Variants in IGLON5 observed in about 807,000 individuals in gnomAD.
IGLON5 encodes the protein Ig-like domain-containing protein ENSP00000270642.
A neutral mutation model predicts 38.2 loss-of-function variants in IGLON5; 16 were observed. The observed-to-expected ratio is 0.42, with a 90% CI of 0.28 to 0.64. The LOEUF (loss-of-function observed/expected upper bound fraction) is 0.64. Among genes scored for constraint, IGLON5 ranks in the 30% least tolerant of loss-of-function variants. IGLON5 has a pLI of 0.23. For missense variants in IGLON5, 366 were observed against 483.4 expected, an observed-to-expected ratio of 0.76 and a Z score of 2.28; for synonymous variants, 207 against 216.4, an observed-to-expected ratio of 0.96 and a Z score of 0.38.
chr19:51,330,086 T>A lies in IGLON5; in HGVS notation c.*1327T>A, dbSNP rs1229320052. ...CAGACAAAGATGCCATGTCACCAACTCCGACTCCCAGGAGACCCTCTATAT... is the reference window on the plus strand; with the variant it reads ...CAGACAAAGATGCCATGTCACCAACACCGACTCCCAGGAGACCCTCTATAT... On this transcript the variant is annotated 3_prime_UTR_variant, in exon 8 of 8. Transcript: ENST00000270642. The A allele has an allele frequency of 6.6e-6, 1 of 152,338 alleles. No homozygotes were observed. The highest frequency in any genetic ancestry group is 1.5e-5 in the Non-Finnish European group (1 of 68,148). The allele number at this position is 152,338 out of a possible 1,614,324, so 9.4% of individuals were successfully genotyped here.
Position 51,327,683 on chromosome 19 carries a change from T to G in IGLON5, c.768-49T>G, listed in dbSNP as rs1186745969. 6.5e-7 allele frequency: 1 copy of G among 1,539,452 alleles called. No homozygotes were observed. Among genetic ancestry groups the G allele is most frequent in the Non-Finnish European group, 8.7e-7 (1 of 1,148,470 alleles). On this transcript the variant is annotated intron_variant, in intron 6 of 7. Coordinates refer to ENST00000270642, the MANE Select transcript of IGLON5 (RefSeq NM_001101372.3). This position sits in a 1 kb window ranked among gnomAD's most constrained non-coding sequence, Gnocchi z 7.1. Reference sequence around the variant, plus strand: ...CGGAGGAGCCTGAGAGTCGGGGGGCTGGCCTGGCTGGGCGCTGCGGCCCGG... The same window carrying G: ...CGGAGGAGCCTGAGAGTCGGGGGGCGGGCCTGGCTGGGCGCTGCGGCCCGG...
Position 51,325,295 on chromosome 19 carries a change from G to A in IGLON5, c.392-51G>A. On this transcript the variant is annotated intron_variant, in intron 3 of 7. Transcript: ENST00000270642. The surrounding 1 kb of genome is among the most constrained non-coding windows in gnomAD (Gnocchi z 5.5). ...TCCTGGGTCTGAAGGAGGAAGGGCT[G>A]GGGGCCTGGATTCCTGGGCATCCAT... 3.8e-6 allele frequency: 6 copies of A among 1,591,988 alleles called. No homozygotes were observed. Among genetic ancestry groups the A allele is most frequent in the Non-Finnish European group, 5.1e-6 (6 of 1,169,796 alleles).
At chr19:51,312,150 G>T (rs1054007175) in intron 1 of IGLON5, among the ~76,000 whole-genome samples, 1 of 152,096 alleles carries the variant, frequency 6.6e-6, no homozygotes, top group Admixed American at 6.5e-5. Context: ...GCGTCCTCGG[G>T]CCGGAGCCGG....
intron 1 of IGLON5, among the ~76,000 whole-genome samples, 194 bp downstream of exon 1, chr19:51,312,120 G>A: frequency 6.6e-6 from 1 of 151,956 alleles, no homozygotes; most frequent in Non-Finnish European, 1.5e-5. Context: ...GTGGGGGTCC[G>A]CGCCCCGGGG....
rs1381291079 is a variant in IGLON5 at position 51,327,524 on chromosome 19, G to A, written c.768-208G>A. On this transcript the variant is annotated intron_variant, in intron 6 of 7. Coordinates refer to ENST00000270642, the MANE Select transcript of IGLON5 (RefSeq NM_001101372.3). This position sits in a 1 kb window ranked among gnomAD's most constrained non-coding sequence, Gnocchi z 7.1. ...CCTAACGACTAGGGGTGCACTACGG[G>A]AGAGTCCAGAGTCCTGAGAGGCCAG... is the stretch of plus-strand genomic sequence containing the variant. 4.6e-5 allele frequency among the ~76,000 whole-genome samples: 7 copies of A among 152,176 alleles called. No individual in the cohort carries two copies. The East Asian group carries it at 5.8e-4, about 13-fold the overall frequency.
intron 1 of IGLON5, among the ~76,000 whole-genome samples, chr19:51,318,095 A>G (rs1040138739): frequency 7.2e-5 from 11 of 152,220 alleles, no homozygotes; most frequent in Non-Finnish European, 1.5e-4. Flanking sequence ...AACAGTGCCC[A>G]GAAGAAGGAG....
Position 51,324,214 on chromosome 19 carries a change from C to T in IGLON5, c.391+320C>T, listed in dbSNP as rs1437066282. Among the ~76,000 whole-genome samples the T allele has an allele frequency of 6.6e-6, 1 of 152,128 alleles. No homozygotes were observed. Among genetic ancestry groups the T allele is most frequent in the Non-Finnish European group, 1.5e-5 (1 of 68,030 alleles). ...GATCTACAGAACAAGGCAGGCTGTC[C>T]CCACACCTTGGGAGCTGATTTTCTG... On this transcript the variant is annotated intron_variant, in intron 3 of 7. Transcript: ENST00000270642. This position sits in a 1 kb window ranked among gnomAD's most constrained non-coding sequence, Gnocchi z 4.2.
At position 51,330,426 on chromosome 19, in the gene IGLON5, G is replaced by T. The variant is rs1050114262; in HGVS notation, c.*1667G>T. The T allele has an allele frequency of 2.0e-5, 3 of 152,210 alleles. No individual in the cohort carries two copies. The highest frequency in any genetic ancestry group is 7.2e-5 in the African/African-American group (3 of 41,456). 9.4% of individuals were successfully genotyped at this position (152,210 alleles called of 1,614,324 possible). A position where few individuals can be genotyped will look rare whatever the true frequency, so the allele number is the denominator to read the frequency against. ...GGCAAAGGGTAGCAGTCAATTGGTG[G>T]TGCCTCTCCAGCATCATTCCTACCG... On this transcript the variant is annotated 3_prime_UTR_variant, in exon 8 of 8. Coordinates refer to ENST00000270642, the MANE Select transcript of IGLON5 (RefSeq NM_001101372.3).
chr19:51,328,339 C>CAA (rs767807401), intron 7 of IGLON5, among the ~76,000 whole-genome samples: 3,912 of 124,148 alleles, frequency 0.032, 320 homozygotes, highest in African/African-American at 0.13. Flanking sequence ...ATGTCTCTAC[C>CAA]AAAAAAAAAA....
At chr19:51,321,208 G>A (rs746032072) in intron 1 of IGLON5, among the ~76,000 whole-genome samples, 5 of 151,998 alleles carry the variant, frequency 3.3e-5, no homozygotes, top group African/African-American at 4.8e-5. Flanking sequence ...ACCAAGTTTC[G>A]CTCTTGTTGC....
rs963170554 is a variant in IGLON5 at position 51,325,505 on chromosome 19, T to C, written c.511+40T>C. 2 of 1,568,582 alleles carry C rather than the reference T, an allele frequency of 1.3e-6. No individual in the cohort carries two copies. Among genetic ancestry groups the C allele is most frequent in the East Asian group, 2.3e-5 (1 of 43,320 alleles). Reference sequence around the variant, plus strand: ...CCAGGTCAAAAGCCCCGTCCCCCACTGCGCAGTCTGGGCCCCTCCATTCCC... The same window carrying C: ...CCAGGTCAAAAGCCCCGTCCCCCACCGCGCAGTCTGGGCCCCTCCATTCCC... On this transcript the variant is annotated intron_variant, in intron 4 of 7. Transcript: ENST00000270642. The surrounding 1 kb of genome is among the most constrained non-coding windows in gnomAD (Gnocchi z 5.5).
chr19:51,325,514 T>G lies in IGLON5; in HGVS notation c.511+49T>G. On this transcript the variant is annotated intron_variant, in intron 4 of 7. Coordinates refer to ENST00000270642, the MANE Select transcript of IGLON5 (RefSeq NM_001101372.3). The surrounding 1 kb of genome is among the most constrained non-coding windows in gnomAD (Gnocchi z 5.5). ...AAGCCCCGTCCCCCACTGCGCAGTC[T>G]GGGCCCCTCCATTCCCCATATCCCT... is the stretch of plus-strand genomic sequence containing the variant. The G allele has an allele frequency of 6.5e-7, 1 of 1,542,260 alleles. No homozygotes were observed. Among genetic ancestry groups the G allele is most frequent in the East Asian group, 2.4e-5 (1 of 42,464 alleles).
Position 51,325,159 on chromosome 19 carries a change from T to C in IGLON5, c.392-187T>C, listed in dbSNP as rs1277329792. On this transcript the variant is annotated intron_variant, in intron 3 of 7. Transcript: ENST00000270642. This position sits in a 1 kb window ranked among gnomAD's most constrained non-coding sequence, Gnocchi z 5.5. ...AGAAGGGGCTGGGGTACTGGACTCT[T>C]GGGTCTGAGGGAAGAGGAACTGCGG... Among the ~76,000 whole-genome samples the C allele has an allele frequency of 6.7e-6, 1 of 149,680 alleles. No individual in the cohort carries two copies. The highest frequency in any genetic ancestry group is 2.5e-5 in the African/African-American group (1 of 40,294).
rs962170505 is a variant in IGLON5 at position 51,330,541 on chromosome 19, C to T, written c.*1782C>T. Among the ~76,000 whole-genome samples, 12 of 152,162 alleles carry T rather than the reference C, an allele frequency of 7.9e-5. No homozygotes were observed. Among genetic ancestry groups the T allele is most frequent in the South Asian group, 2.1e-4 (1 of 4,828 alleles). On this transcript the variant is annotated 3_prime_UTR_variant, in exon 8 of 8. Transcript: ENST00000270642. Reference sequence around the variant, plus strand: ...ACACCCAGCATAGCCCATTTCCCACCGTGATTGGCTCAGAGATGGGCACAT... The same window carrying T: ...ACACCCAGCATAGCCCATTTCCCACTGTGATTGGCTCAGAGATGGGCACAT...
At chr19:51,318,573 T>A (rs1568457726) in intron 1 of IGLON5, among the ~76,000 whole-genome samples, 1 of 144,442 alleles carries the variant, frequency 6.9e-6, no homozygotes, top group East Asian at 2.0e-4. Flanking sequence ...CCTCGTCTCT[T>A]AAAAAAAAAA....
chr19:51,328,505 G>GAAAAAAAA (rs61422289), intron 7 of IGLON5, among the ~76,000 whole-genome samples, 166 bp from the exon 8 acceptor site: 4 of 111,140 alleles, frequency 3.6e-5, no homozygotes, highest in Admixed American at 9.8e-5. Context: ...CTCAAAAAAA[G>GAAAAAAAA]AAAAAAAAAA....
Position 51,323,667 on chromosome 19 carries a change from T to G in IGLON5, c.164T>G (p.Phe55Cys). 1.2e-6 allele frequency: 2 copies of G among 1,607,130 alleles called. No homozygotes were observed. Among genetic ancestry groups the G allele is most frequent in the Non-Finnish European group, 1.7e-6 (2 of 1,174,380 alleles). The stretch of plus-strand genomic sequence containing the variant: ...CCCACTCATTCTCCCTGCAGCTGCT[T>G]CATCGACGAGCACGTGACCCGCGTG... Reference protein sequence around the residue: ...CEGDNATLSCFIDEHVTRVAW... With the variant: ...CEGDNATLSCCIDEHVTRVAW... Residue 55 changes from phenylalanine (F) to cysteine (C), a missense_variant, in exon 3 of 8, where the codon TTC becomes TGC. Coordinates refer to ENST00000270642, the MANE Select transcript of IGLON5 (RefSeq NM_001101372.3).
rs1451429320 is a variant in IGLON5, at chr19:51,330,520, C to T, written c.*1761C>T. Reference sequence around the variant, plus strand: ...ATGCCCTGTGATTGGCCGAAGACACCCAGCATAGCCCATTTCCCACCGTGA... The same window carrying T: ...ATGCCCTGTGATTGGCCGAAGACACTCAGCATAGCCCATTTCCCACCGTGA... On this transcript the variant is annotated 3_prime_UTR_variant, in exon 8 of 8. Coordinates refer to ENST00000270642, the MANE Select transcript of IGLON5 (RefSeq NM_001101372.3). Among the ~76,000 whole-genome samples the T allele has an allele frequency of 6.6e-6, 1 of 152,126 alleles. No homozygotes were observed. The highest frequency in any genetic ancestry group is 6.5e-5 in the Admixed American group (1 of 15,278).
At chr19:51,313,733 T>C (rs1984841904) in intron 1 of IGLON5, among the ~76,000 whole-genome samples, 1 of 151,078 alleles carries the variant, frequency 6.6e-6, no homozygotes, top group African/African-American at 2.4e-5. Context: ...TTCTTGTTTT[T>C]TTGAGACAGG....
Sources: allele counts gnomAD v4.1 joint callset (sites outside exome capture counted in the v4.1 genomes callset), GRCh38; gene constraint gnomAD v4.1.1; non-coding constraint Gnocchi (gnomAD v3.1); transcripts MANE v1.5; gene names NCBI Gene and HGNC (gene_info 2026-07-23, HGNC 2026-07-21).